ITPR1: variants seen among roughly 807,000 people sequenced by gnomAD.
ITPR1 encodes the protein inositol 1,4,5-trisphosphate receptor type 1, also known as inositol 1,4,5-trisphosphate-gated calcium channel ITPR1.
A neutral mutation model predicts 318.4 loss-of-function variants in ITPR1; 96 were observed. The ratio of observed to expected loss-of-function variants is 0.30; its 90% CI spans 0.26 to 0.36. The LOEUF is 0.36. Ranked by LOEUF, ITPR1 falls within the 10% of genes least tolerant of loss-of-function variation. The pLI, the probability that ITPR1 is intolerant of heterozygous loss-of-function variation, is 1.00. For missense variants in ITPR1, 2,440 were observed against 3,460.2 expected, an observed-to-expected ratio of 0.71 and a Z score of 7.40; for synonymous variants, 1,312 against 1,289.9, an observed-to-expected ratio of 1.02 and a Z score of -0.37.
At chr3:4,819,689 G>A (rs753532765) in intron 60 of ITPR1, among the ~76,000 whole-genome samples, 4 of 152,214 alleles carry the variant, frequency 2.6e-5, no homozygotes, top group East Asian at 1.9e-4. Context: ...TGGGGAACCC[G>A]GAGGAAGGGA....
intron 44 of ITPR1, among the ~76,000 whole-genome samples, chr3:4,760,715 C>T (rs1453951672): frequency 6.6e-6 from 1 of 152,192 alleles, no homozygotes. Flanking sequence ...CCACCCACAT[C>T]CCTTGGCTTG....
At chr3:4,544,267 C>T (rs921046413) in intron 4 of ITPR1, among the ~76,000 whole-genome samples, 18 of 152,112 alleles carry the variant, frequency 1.2e-4, no homozygotes, top group African/African-American at 3.9e-4. Context: ...TTATTGGTTG[C>T]ACATTGAGGA....
At chr3:4,754,175 G>A (rs2044775346) in intron 44 of ITPR1, among the ~76,000 whole-genome samples, 1 of 151,908 alleles carries the variant, frequency 6.6e-6, no homozygotes, top group Non-Finnish European at 1.5e-5. Flanking sequence ...CAGGTACACA[G>A]AATGGAAATA....
In ITPR1 at chr3:4,723,090, G is replaced by T. The variant is rs542023590; in HGVS notation, c.5137-2456G>T. On this transcript the variant is annotated intron_variant, in intron 40 of 61. Coordinates refer to ENST00000649015, the MANE Select transcript of ITPR1 (RefSeq NM_001378452.1). ...TTGAACCCTGGAGGCGGAGGTTGCAGTGAGCCGAGATCATGCCACTGCACT... is the reference window on the plus strand; with the variant it reads ...TTGAACCCTGGAGGCGGAGGTTGCATTGAGCCGAGATCATGCCACTGCACT... 2.6e-5 allele frequency among the ~76,000 whole-genome samples: 4 copies of T among 152,356 alleles called. No individual in the cohort carries two copies. The South Asian group carries it at 6.2e-4, about 24-fold the overall frequency.
At chr3:4,540,805 G>T (rs1200360246) in intron 4 of ITPR1, among the ~76,000 whole-genome samples, 1 of 151,992 alleles carries the variant, frequency 6.6e-6, no homozygotes. Context: ...TGAACTCCTG[G>T]GCTCAAACTA....
At chr3:4,676,028 A>G (rs1399679752) in intron 23 of ITPR1, among the ~76,000 whole-genome samples, 1 of 152,118 alleles carries the variant, frequency 6.6e-6, no homozygotes. Context: ...TGTGCTCATA[A>G]CAAGCACATA....
intron 61 of ITPR1, among the ~76,000 whole-genome samples, chr3:4,843,074 GT>G (rs11404208): frequency 0.045 from 4,745 of 105,472 alleles, 169 homozygotes; most frequent in South Asian, 0.22. Context: ...GTTTTGAGGG[GT>G]TTTTTTTTTT....
intron 4 of ITPR1, among the ~76,000 whole-genome samples, chr3:4,616,522 AT>A (rs1235753937): frequency 6.6e-6 from 1 of 152,050 alleles, no homozygotes; most frequent in Non-Finnish European, 1.5e-5. Context: ...AACACTTCCC[AT>A]TTTCATATTC....
intron 4 of ITPR1, among the ~76,000 whole-genome samples, chr3:4,624,923 A>C (rs1361738414): frequency 6.6e-6 from 1 of 152,136 alleles, no homozygotes; most frequent in Non-Finnish European, 1.5e-5. Flanking sequence ...TCTGGATGTA[A>C]TGTCATTAAA....
At chr3:4,573,234 A>G (rs1345895292) in intron 4 of ITPR1, among the ~76,000 whole-genome samples, 1 of 152,146 alleles carries the variant, frequency 6.6e-6, no homozygotes, top group Admixed American at 6.5e-5. Flanking sequence ...ATTTCTCCAC[A>G]TCTATCCAAA....
intron 51 of ITPR1, among the ~76,000 whole-genome samples, chr3:4,785,985 A>C (rs2047171384): frequency 6.6e-6 from 1 of 152,182 alleles, no homozygotes; most frequent in African/African-American, 2.4e-5. Flanking sequence ...GTTACTACCA[A>C]GGGCTTTCCA....
rs1260045423 is a variant in ITPR1, at chr3:4,658,254, G to C, written c.1127G>C (p.Arg376Pro). 2 of 1,612,520 alleles carry C rather than the reference G, an allele frequency of 1.2e-6. No homozygotes were observed. The highest frequency in any genetic ancestry group is 3.3e-5 in the Admixed American group (2 of 59,962). Residue 376 changes from arginine to proline, a missense_variant, in exon 13 of 62, where the codon CGT becomes CCT. Coordinates refer to ENST00000649015, the MANE Select transcript of ITPR1 (RefSeq NM_001378452.1). Reference protein sequence around the residue: ...SIFELDPTTLRGGDSLVPRNS... With the variant: ...SIFELDPTTLPGGDSLVPRNS... Reference sequence around the variant, plus strand: ...TTCGAGCTAGATCCCACCACTCTGCGTGGAGGTGACAGCCTTGTCCCAAGG... The same window carrying C: ...TTCGAGCTAGATCCCACCACTCTGCCTGGAGGTGACAGCCTTGTCCCAAGG...
In ITPR1 at chr3:4,818,074, A is replaced by G; in HGVS notation, c.7868-8A>G. 1 of 1,590,562 alleles carries G rather than the reference A, an allele frequency of 6.3e-7. No homozygotes were observed. On this transcript the variant is annotated splice_region_variant and splice_polypyrimidine_tract_variant and intron_variant, in intron 59 of 61. Coordinates refer to ENST00000649015, the MANE Select transcript of ITPR1 (RefSeq NM_001378452.1). ...GCTGGGGCTGGGGGCTTTTTGTCTC[A>G]TTTTTAGGCTTGGAAAGAGACAAGT...
At chr3:4,791,345 C>T (rs538144712) in intron 52 of ITPR1, among the ~76,000 whole-genome samples, 4 of 152,232 alleles carry the variant, frequency 2.6e-5, no homozygotes, top group South Asian at 4.2e-4. Context: ...TTCCACAGAT[C>T]GGAGGGATGA....
intron 57 of ITPR1, 178 bp from the exon 58 acceptor site, chr3:4,814,245 C>A: frequency 1.5e-6 from 1 of 668,388 alleles, no homozygotes; most frequent in South Asian, 1.7e-5. Flanking sequence ...GCGATGAAAA[C>A]AGTTGCCCCA....
intron 44 of ITPR1, among the ~76,000 whole-genome samples, chr3:4,746,919 A>G (rs4685812): frequency 0.44 from 66,737 of 152,080 alleles, 15,658 homozygotes; most frequent in East Asian, 0.93. Flanking sequence ...CTGACTCCCC[A>G]GCACTCAGAC....
chr3:4,788,622 G>A (rs2125406645), intron 52 of ITPR1, among the ~76,000 whole-genome samples: 1 of 152,292 alleles, frequency 6.6e-6, no homozygotes, highest in Middle Eastern at 3.4e-3. Flanking sequence ...TGCCACATAA[G>A]GTGCATCATT....
intron 34 of ITPR1, among the ~76,000 whole-genome samples, 182 bp from the exon 35 acceptor site, chr3:4,699,631 G>T (rs2094611998): frequency 6.6e-6 from 1 of 152,196 alleles, no homozygotes; most frequent in South Asian, 2.1e-4. Flanking sequence ...TATCCAAGCT[G>T]ATCTGCTTCT....
chr3:4,727,230 C>T, intron 42 of ITPR1, 57 bp downstream of exon 42: 1 of 1,248,334 alleles, frequency 8.0e-7, no homozygotes, highest in Non-Finnish European at 1.1e-6. Flanking sequence ...CGTAACACCT[C>T]CATCAGCCAC....
Sources: allele counts gnomAD v4.1 joint callset (sites outside exome capture counted in the v4.1 genomes callset), GRCh38; gene constraint gnomAD v4.1.1; transcripts MANE v1.5; gene names NCBI Gene and HGNC (gene_info 2026-07-23, HGNC 2026-07-21).